The following TMEM200A variants were observed in gnomAD, a reference collection of about 807,000 sequenced individuals.
The protein encoded by TMEM200A is transmembrane protein 200A.
Under a neutral mutation model 24.3 loss-of-function variants are expected in TMEM200A, and 12 were observed. The ratio of observed to expected loss-of-function variants is 0.49; its 90% confidence interval spans 0.32 to 0.80. The LOEUF (loss-of-function observed/expected upper bound fraction) is 0.80, where lower values mean the gene tolerates loss of function less well. Ranked by LOEUF, TMEM200A falls within the 30% of genes least tolerant of loss-of-function variation. The pLI is 0.04. For missense variants in TMEM200A, 545 were observed against 614.4 expected, an observed-to-expected ratio of 0.89 and a Z score of 1.19; for synonymous variants, 224 against 224.4, an observed-to-expected ratio of 1.00 and a Z score of 0.02.
chr6:130,419,494 A>G (rs982219550), intron 2 of TMEM200A, among the ~76,000 whole-genome samples: 1 of 152,200 alleles, frequency 6.6e-6, no homozygotes, highest in African/African-American at 2.4e-5. Flanking sequence ...AGAAATGTCC[A>G]TACTGTTTCG....
chr6:130,396,775 A>C (rs1001435104), intron 2 of TMEM200A, among the ~76,000 whole-genome samples: 11 of 152,186 alleles, frequency 7.2e-5, no homozygotes, highest in African/African-American at 2.7e-4. Context: ...CCTACCCATC[A>C]TCCAGGTGAA....
chr6:130,435,328 C>G (rs553622580), intron 2 of TMEM200A, among the ~76,000 whole-genome samples: 2 of 152,162 alleles, frequency 1.3e-5, no homozygotes, highest in East Asian at 3.9e-4. Flanking sequence ...ATCATGATCT[C>G]TTTTTGAAGA....
chr6:130,365,849 G>C (rs530433367), upstream of TMEM200A: 3 of 985,660 alleles, frequency 3.0e-6, no homozygotes, highest in South Asian at 1.4e-4. Flanking sequence ...CGTCCTCCAG[G>C]AGGAGTGGGT....
chr6:130,428,293 G>T (rs1202530701), intron 2 of TMEM200A, among the ~76,000 whole-genome samples: 1 of 151,796 alleles, frequency 6.6e-6, no homozygotes. Context: ...CATTTAAAAA[G>T]GTATATGGGA....
chr6:130,419,240 T>G (rs1325148805), intron 2 of TMEM200A, among the ~76,000 whole-genome samples: 5 of 152,216 alleles, frequency 3.3e-5, no homozygotes, highest in Non-Finnish European at 7.3e-5. Flanking sequence ...TTGCTGCAGA[T>G]GACATGGTTT....
chr6:130,441,297 TGATC>T lies in TMEM200A; in HGVS notation c.876_879del (p.Ile293AsnfsTer12). On this transcript the variant is annotated frameshift_variant, in exon 3 of 3. Coordinates refer to ENST00000296978, the MANE Select transcript of TMEM200A (RefSeq NM_001258277.2). LOFTEE classifies it high-confidence loss of function. ...TCCATCAGTGCTTTTACATTGCCTG[TGATC>T]AAACTTAATAACTGTGTTATTGATG... The T allele has an allele frequency of 3.1e-6, 5 of 1,614,132 alleles. No individual in the cohort carries two copies. The highest frequency in any genetic ancestry group is 4.2e-6 in the Non-Finnish European group (5 of 1,179,996).
chr6:130,390,221 T>C (rs571133356), intron 2 of TMEM200A, among the ~76,000 whole-genome samples: 4 of 152,220 alleles, frequency 2.6e-5, no homozygotes, highest in Non-Finnish European at 5.9e-5. Flanking sequence ...TTTTGTTTAA[T>C]TAATCTTTGT....
Position 130,440,547 on chromosome 6 carries a change from G to A in TMEM200A, c.125G>A (p.Arg42His), listed in dbSNP as rs780602819. ...PATQEKKPIR[R>H]RPRADVVVVR... ...ACCCAAGAGAAGAAGCCCATCAGGC[G>A]CCGGCCCCGGGCAGATGTTGTGGTT... The change falls in exon 3 of 3, where the codon CGC becomes CAC. Residue 42 changes from arginine to histidine, a missense_variant. Arg to His is a conservative substitution (Grantham distance 29). Coordinates refer to ENST00000296978, the MANE Select transcript of TMEM200A (RefSeq NM_001258277.2). The A allele has an allele frequency of 2.4e-5, 38 of 1,613,956 alleles. No individual in the cohort carries two copies. The highest frequency in any genetic ancestry group is 8.3e-5 in the Admixed American group (5 of 59,994).
intron 2 of TMEM200A, among the ~76,000 whole-genome samples, chr6:130,430,972 G>A (rs1013394987): frequency 2.0e-5 from 3 of 152,160 alleles, no homozygotes; most frequent in African/African-American, 7.2e-5. Context: ...ACAACTCACT[G>A]TTCATTTAGA....
chr6:130,437,062 TAAC>T (rs1486239125), intron 2 of TMEM200A: 1 of 152,180 alleles, frequency 6.6e-6, no homozygotes, highest in Admixed American at 6.5e-5. Context: ...TTTTCTAAAA[TAAC>T]AACAGCAGTA....
chr6:130,367,805 A>C (rs1778221884), intron 1 of TMEM200A, among the ~76,000 whole-genome samples: 1 of 152,220 alleles, frequency 6.6e-6, no homozygotes, highest in South Asian at 2.1e-4. Flanking sequence ...TAAAAAACAC[A>C]CACTGAGGTG....
chr6:130,366,463 T>G lies in TMEM200A; in HGVS notation c.-142T>G. ...CCCGACGTCCCGACAGCTCCTGGAG[T>G]GAGACCAGGACTGAGAACAGGGAGA... On this transcript the variant is annotated 5_prime_UTR_variant, in exon 1 of 3. Transcript: ENST00000296978. The surrounding 1 kb of genome is among the most constrained non-coding windows in gnomAD (Gnocchi z 4.4). 2 of 984,470 alleles carry G rather than the reference T, an allele frequency of 2.0e-6. No individual in the cohort carries two copies. Among genetic ancestry groups the G allele is most frequent in the Non-Finnish European group, 2.4e-6 (2 of 829,890 alleles). 61.0% of individuals were successfully genotyped at this position (984,470 alleles called of 1,614,324 possible). A position where few individuals can be genotyped will look rare whatever the true frequency, so the allele number is the denominator to read the frequency against.
At chr6:130,367,085 A>G (rs997347037) in intron 1 of TMEM200A, among the ~76,000 whole-genome samples, 5 of 152,196 alleles carry the variant, frequency 3.3e-5, no homozygotes, top group African/African-American at 1.2e-4. Context: ...GTGTAGGCGC[A>G]AGCTCTCTGT....
intron 2 of TMEM200A, among the ~76,000 whole-genome samples, chr6:130,407,786 G>C (rs1779239194): frequency 6.6e-6 from 1 of 152,062 alleles, no homozygotes; most frequent in Non-Finnish European, 1.5e-5. Flanking sequence ...TTATATAAAG[G>C]GTCATAGGAA....
At chr6:130,365,973 C>T (rs904815154), upstream of TMEM200A, 2 of 985,368 alleles carry the variant, frequency 2.0e-6, no homozygotes, top group Middle Eastern at 5.2e-4. Flanking sequence ...GCCCCCAACC[C>T]GCCTCTTCGG....
chr6:130,394,686 A>C lies in TMEM200A; in HGVS notation c.-17+9450A>C, dbSNP rs552120312. On this transcript the variant is annotated intron_variant, in intron 2 of 2. Coordinates refer to ENST00000296978, the MANE Select transcript of TMEM200A (RefSeq NM_001258277.2). ...TTTGTTAAGATGTCAAAAGGTACAT[A>C]CAAAGCACTGAATTGAAGACTGCGT... Among the ~76,000 whole-genome samples, 4 of 152,342 alleles carry C rather than the reference A, an allele frequency of 2.6e-5. No individual in the cohort carries two copies. The East Asian group carries it at 7.7e-4, about 29-fold the overall frequency.
At chr6:130,414,326 G>A (rs1203166951) in intron 2 of TMEM200A, among the ~76,000 whole-genome samples, 1 of 151,670 alleles carries the variant, frequency 6.6e-6, no homozygotes, top group African/African-American at 2.4e-5. Flanking sequence ...CAGCTACTAG[G>A]GAGGCCGAGG....
rs772523704 is a variant in TMEM200A, at chr6:130,441,662, C to T, written c.1240C>T (p.Arg414Trp). The T allele has an allele frequency of 9.9e-6, 16 of 1,613,902 alleles. No homozygotes were observed. The highest frequency in any genetic ancestry group is 1.3e-5 in the African/African-American group (1 of 74,904). The change falls in exon 3 of 3, where the codon CGG (arginine) becomes TGG (tryptophan). Residue 414 changes from arginine (R) to tryptophan (W), a missense_variant. Physicochemically the swap from Arg to Trp is moderately radical, Grantham distance 101 (BLOSUM62 -3). Coordinates refer to ENST00000296978, the MANE Select transcript of TMEM200A (RefSeq NM_001258277.2). ...CACTCTAACTGTTCAGGCAGAACAA[C>T]GGAAACATCCAAGTTGGCCTAGGTT... ...PSTLTVQAEQRKHPSWPRLDR... is the reference protein window; with the variant it reads ...PSTLTVQAEQWKHPSWPRLDR...
Position 130,393,780 on chromosome 6 carries a change from A to T in TMEM200A, c.-17+8544A>T, listed in dbSNP as rs9492571. On this transcript the variant is annotated intron_variant, in intron 2 of 2. Coordinates refer to ENST00000296978, the MANE Select transcript of TMEM200A (RefSeq NM_001258277.2). The stretch of plus-strand genomic sequence containing the variant: ...GACCAAAACACCATTTAGTAACATC[A>T]CTAACCATTTTATGCCATGATGTCT... Among the ~76,000 whole-genome samples the T allele has an allele frequency of 4.7e-3, 719 of 152,314 alleles. 5 individuals carry two copies. The highest frequency in any genetic ancestry group is 0.016 in the African/African-American group (676 of 41,566).
Sources: gnomAD v4.1 joint callset for allele counts (sites outside exome capture counted in the v4.1 genomes callset) on GRCh38, gnomAD v4.1.1 for gene constraint, Gnocchi (gnomAD v3.1) non-coding constraint, MANE v1.5 for transcripts, NCBI Gene and HGNC (gene_info 2026-07-23, HGNC 2026-07-21) for gene names.